The following PKD1L1 variants were observed in gnomAD, a reference collection of about 807,000 sequenced individuals.
PKD1L1 encodes polycystin-1-like protein 1.
PKD1L1 carries 236 observed loss-of-function variants against 323.4 expected under a neutral mutation model. That is an observed-to-expected ratio of 0.73 (90% CI 0.66 to 0.81). PKD1L1 has a LOEUF of 0.81. PKD1L1 is among the 40% of genes least tolerant of loss of function. PKD1L1 has a pLI of 0.00. For synonymous variants in PKD1L1, 1,344 were observed against 1,335.0 expected, an observed-to-expected ratio of 1.01 and a Z score of -0.15; for missense variants, 3,320 against 3,508.0, an observed-to-expected ratio of 0.95 and a Z score of 1.35.
In PKD1L1 at chr7:47,808,312, T is replaced by C. The variant is rs778020617; in HGVS notation, c.7762A>G (p.Asn2588Asp). The C allele has an allele frequency of 1.4e-5, 23 of 1,613,988 alleles. No homozygotes were observed. The highest frequency in any genetic ancestry group is 1.7e-5 in the Non-Finnish European group (20 of 1,180,026). ...HLVTLAGDVTNQFHRGLCRAF... is the reference protein window; with the variant it reads ...HLVTLAGDVTDQFHRGLCRAF... The stretch of plus-strand genomic sequence containing the variant: ...CGGCAAAGTCCTCTGTGAAACTGGT[T>C]AGTGACATCTCCAGCAAGAGTAACA... Residue 2588 changes from asparagine to aspartate, a missense_variant, in exon 52 of 57, where the codon AAC becomes GAC. By Grantham distance (23) the Asn-to-Asp change is conservative (BLOSUM62 1). Transcript: ENST00000289672.
At chr7:47,833,351 G>A (rs893184167) in intron 40 of PKD1L1, 99 bp from the exon 41 acceptor site, 1 of 1,340,846 alleles carries the variant, frequency 7.5e-7, no homozygotes, top group Non-Finnish European at 1.0e-6. Flanking sequence ...TCAGAGGACA[G>A]GCCTGGCATG....
intron 13 of PKD1L1, among the ~76,000 whole-genome samples, chr7:47,901,730 C>T (rs1011135811): frequency 3.3e-5 from 5 of 152,218 alleles, no homozygotes; most frequent in African/African-American, 9.6e-5. Context: ...GCACCCTCTG[C>T]GGGCTGACCT....
Position 47,815,438 on chromosome 7 carries a change from C to G in PKD1L1, c.6985G>C (p.Gly2329Arg). 1.2e-6 allele frequency: 2 copies of G among 1,613,796 alleles called. No homozygotes were observed. The highest frequency in any genetic ancestry group is 2.2e-5 in the South Asian group (2 of 90,998). The stretch of plus-strand genomic sequence containing the variant: ...CAGTCAGCGATGTTTCTCAGGCCAC[C>G]CAAGCAGTTTCTGGCATTTCTTAAT... ...EFTRNARNCL[G>R]GLRNIADWWD... The change falls in exon 47 of 57, where the codon GGT becomes CGT. Residue 2329 changes from glycine (G) to arginine (R), a missense_variant. By Grantham distance (125) the Gly-to-Arg change is moderately radical (BLOSUM62 -2). Coordinates refer to ENST00000289672, the MANE Select transcript of PKD1L1 (RefSeq NM_138295.5).
At position 47,845,036 on chromosome 7, in the gene PKD1L1, C is replaced by T. The variant is rs147400950; in HGVS notation, c.5196G>A (p.Leu1732=). 3.3e-5 allele frequency: 54 copies of T among 1,613,922 alleles called. No homozygotes were observed. In the African/African-American group the frequency reaches 5.3e-4, roughly 16 times the overall value. ...TGTCACTCACTTCAAAACTGGCCTTCAGCTTTCTCCTTAGGAGAGCGAATG... is the reference window on the plus strand; with the variant it reads ...TGTCACTCACTTCAAAACTGGCCTTTAGCTTTCTCCTTAGGAGAGCGAATG... ...LAAFALLRRK[L]KASFEVSDIS... The change falls in exon 33 of 57, where the codon CTG becomes CTA. Residue 1732 remains leucine (L), a synonymous_variant. Transcript: ENST00000289672.
chr7:47,910,826 T>TTGTGTG (rs60550498), intron 8 of PKD1L1, among the ~76,000 whole-genome samples: 3,063 of 126,090 alleles, frequency 0.024, 52 homozygotes, highest in Non-Finnish European at 0.028. Flanking sequence ...CCAGCTGATT[T>TTGTGTG]TGTGTGTGTG....
intron 14 of PKD1L1, among the ~76,000 whole-genome samples, 172 bp from the exon 15 acceptor site, chr7:47,894,231 A>G (rs537743665): frequency 1.3e-5 from 2 of 152,322 alleles, no homozygotes; most frequent in African/African-American, 2.4e-5. Flanking sequence ...ACGACATGAG[A>G]GCTGTGACTG....
At chr7:47,911,735 G>T (rs186216578) in intron 8 of PKD1L1, among the ~76,000 whole-genome samples, 5 of 152,288 alleles carry the variant, frequency 3.3e-5, no homozygotes, top group Admixed American at 3.3e-4. Context: ...TATCAAGCAT[G>T]CATGAGCAGG....
At chr7:47,939,699 A>T (rs1488929789) in intron 3 of PKD1L1, among the ~76,000 whole-genome samples, 1 of 152,222 alleles carries the variant, frequency 6.6e-6, no homozygotes, top group African/African-American at 2.4e-5. Context: ...GCGCAAGTTA[A>T]GCAGGGTTTC....
chr7:47,906,086 A>C, intron 9 of PKD1L1, 124 bp from the exon 10 acceptor site: 1 of 923,080 alleles, frequency 1.1e-6, no homozygotes, highest in Non-Finnish European at 1.5e-6. Flanking sequence ...AAATTTCAAA[A>C]TTCTAAGCAT....
At chr7:47,819,641 C>CAA in intron 46 of PKD1L1, 1 of 1,066,610 alleles carries the variant, frequency 9.4e-7, no homozygotes, top group Admixed American at 2.6e-5. Context: ...CAATGCTCAG[C>CAA]AGAAAAAAAA....
At chr7:47,795,884 T>C in intron 55 of PKD1L1, 105 bp downstream of exon 55, 1 of 1,356,704 alleles carries the variant, frequency 7.4e-7, no homozygotes, top group Non-Finnish European at 1.0e-6. Flanking sequence ...AGATTTGGCA[T>C]GGAAACATAC....
chr7:47,883,899 A>T (rs767973438), intron 19 of PKD1L1, among the ~76,000 whole-genome samples: 21 of 152,354 alleles, frequency 1.4e-4, no homozygotes, highest in Admixed American at 1.0e-3. Context: ...CTAGACAGAT[A>T]AATCAGTCAC....
intron 25 of PKD1L1, 86 bp from the exon 26 acceptor site, chr7:47,865,358 A>T: frequency 8.2e-7 from 1 of 1,213,834 alleles, no homozygotes; most frequent in Non-Finnish European, 1.2e-6. Flanking sequence ...CAGCTTGCCT[A>T]TGTAGAAATA....
At position 47,818,038 on chromosome 7, in the gene PKD1L1, G is replaced by T. The variant is rs531144490; in HGVS notation, c.6966-2581C>A. On this transcript the variant is annotated intron_variant, in intron 46 of 56. Transcript: ENST00000289672. The stretch of plus-strand genomic sequence containing the variant: ...TTAATCTTTGCAGGTCTTTTATTGG[G>T]TGCTGGTTCTTAACTCTGGACTTCT... The T allele has an allele frequency of 2.9e-6, 4 of 1,366,758 alleles. No homozygotes were observed. In the East Asian group the frequency reaches 1.4e-4, roughly 47 times the overall value. 84.7% of individuals were successfully genotyped at this position (1,366,758 alleles called of 1,614,324 possible).
chr7:47,865,498 G>A (rs951314886), intron 25 of PKD1L1, among the ~76,000 whole-genome samples: 2 of 152,112 alleles, frequency 1.3e-5, no homozygotes, highest in South Asian at 2.1e-4. Context: ...GACATCCTCA[G>A]CACACTCCAT....
rs1344602251 is a variant in PKD1L1, at chr7:47,803,203, T to C, written c.7962+7A>G. On this transcript the variant is annotated splice_region_variant and intron_variant, in intron 53 of 56. Coordinates refer to ENST00000289672, the MANE Select transcript of PKD1L1 (RefSeq NM_138295.5). ...GGAAATCACCTGATAAAGGGGAGAG[T>C]TCTTACCCCTGCTACAAAGATGCTG... 6.2e-7 allele frequency: 1 copy of C among 1,613,690 alleles called. No homozygotes were observed. Among genetic ancestry groups the C allele is most frequent in the Non-Finnish European group, 8.5e-7 (1 of 1,179,922 alleles).
Position 47,862,853 on chromosome 7 carries a change from G to A in PKD1L1, c.4149+2363C>T, listed in dbSNP as rs543783110. On this transcript the variant is annotated intron_variant, in intron 26 of 56. Transcript: ENST00000289672. ...ACACTGCAGGTGCATAAGATGTTTA[G>A]CTTCTATTCCACACGCAAGGAGAAG... 5.3e-5 allele frequency among the ~76,000 whole-genome samples: 8 copies of A among 152,270 alleles called. No individual in the cohort carries two copies. In the East Asian group the frequency reaches 1.4e-3, roughly 26 times the overall value.
At chr7:47,823,699 A>G (rs1355498733) in intron 45 of PKD1L1, among the ~76,000 whole-genome samples, 1 of 152,122 alleles carries the variant, frequency 6.6e-6, no homozygotes, top group African/African-American at 2.4e-5. Flanking sequence ...GCCCAGATTC[A>G]TTACTTCATT....
chr7:47,853,012 G>T, intron 31 of PKD1L1, 115 bp downstream of exon 31: 2 of 738,220 alleles, frequency 2.7e-6, no homozygotes. Context: ...AGCAGAGAAA[G>T]GATTCTGATG....
Sources: allele counts gnomAD v4.1 joint callset (sites outside exome capture counted in the v4.1 genomes callset), GRCh38; gene constraint gnomAD v4.1.1; transcripts MANE v1.5; gene names NCBI Gene and HGNC (gene_info 2026-07-23, HGNC 2026-07-21).